Variants in KCNAB1 observed in about 807,000 individuals in gnomAD.
KCNAB1 encodes voltage-gated potassium channel subunit beta-1.
KCNAB1 carries 35 observed loss-of-function variants against 64.6 expected under a neutral mutation model. The ratio of observed to expected loss-of-function variants is 0.54; its 90% CI spans 0.41 to 0.72. The LOEUF (loss-of-function observed/expected upper bound fraction) is 0.72. KCNAB1 is among the 30% of genes least tolerant of loss of function. The pLI, the probability that KCNAB1 is intolerant of heterozygous loss-of-function variation, is 0.00. For synonymous variants in KCNAB1, 177 were observed against 183.8 expected, an observed-to-expected ratio of 0.96 and a Z score of 0.30; for missense variants, 401 against 512.9, an observed-to-expected ratio of 0.78 and a Z score of 2.11.
intron 1 of KCNAB1, among the ~76,000 whole-genome samples, chr3:156,293,897 G>T (rs546215216): frequency 4.1e-4 from 63 of 152,306 alleles, no homozygotes; most frequent in Admixed American, 7.2e-4. Flanking sequence ...CTGCTTTCCT[G>T]GGCAAGGTCC....
chr3:156,325,882 T>C (rs1722941998), intron 1 of KCNAB1, among the ~76,000 whole-genome samples: 1 of 152,176 alleles, frequency 6.6e-6, no homozygotes, highest in Non-Finnish European at 1.5e-5. Context: ...GGTTTTATAA[T>C]TGCACAAAAC....
chr3:156,356,838 T>C (rs1029169867), intron 1 of KCNAB1, among the ~76,000 whole-genome samples: 2 of 152,170 alleles, frequency 1.3e-5, no homozygotes, highest in African/African-American at 4.8e-5. Context: ...CTCTAGCAAT[T>C]ATGAAATCCT....
rs989866149 is a variant in KCNAB1, at chr3:156,538,552, T to TTTGA, written c.*1812_*1815dup. The TTTGA allele has an allele frequency of 6.6e-6, 1 of 152,332 alleles. No homozygotes were observed. The highest frequency in any genetic ancestry group is 2.4e-5 in the African/African-American group (1 of 41,588). The allele number at this position is 152,332 out of a possible 1,614,324, so 9.4% of individuals were successfully genotyped here. A position where few individuals can be genotyped will look rare whatever the true frequency, so the allele number is the denominator to read the frequency against. Reference sequence around the variant, plus strand: ...AGGTGCTGTCTAATGGGAAATGTGATTTGATTGATTTATTTGCTTAGAGTA... The same window carrying TTTGA: ...AGGTGCTGTCTAATGGGAAATGTGATTTGATTGATTGATTTATTTGCTTAGAGTA... On this transcript the variant is annotated 3_prime_UTR_variant, in exon 14 of 14. Transcript: ENST00000490337.
chr3:156,425,631 G>A (rs1715764336), intron 2 of KCNAB1, among the ~76,000 whole-genome samples: 1 of 152,138 alleles, frequency 6.6e-6, no homozygotes. Context: ...AAAAATGGTA[G>A]AATTTACGTT....
At chr3:156,405,277 A>G (rs909289643) in intron 1 of KCNAB1, among the ~76,000 whole-genome samples, 3 of 152,098 alleles carry the variant, frequency 2.0e-5, no homozygotes, top group Non-Finnish European at 4.4e-5. Context: ...CCACCCCAAA[A>G]TATGTCTTCT....
rs76655453 is a variant in KCNAB1, at chr3:156,461,576, A to G, written c.482+1705A>G. 0.012 allele frequency among the ~76,000 whole-genome samples: 1,831 copies of G among 152,296 alleles called. 65 individuals carry two copies. The East Asian group carries it at 0.12, about 10-fold the overall frequency. ...TCTTTTTGGGGTACACACTTCTTCA[A>G]TTATAACAGAAACCTTGGAGATAAT... On this transcript the variant is annotated intron_variant, in intron 5 of 13. Coordinates refer to ENST00000490337, the MANE Select transcript of KCNAB1 (RefSeq NM_172160.3).
intron 1 of KCNAB1, among the ~76,000 whole-genome samples, chr3:156,390,786 C>A (rs556924339): frequency 6.6e-6 from 1 of 152,028 alleles, no homozygotes; most frequent in African/African-American, 2.4e-5. Flanking sequence ...GGAGTTTCAC[C>A]GTGTTAGCCA....
chr3:156,414,995 A>G (rs553860439), intron 1 of KCNAB1, among the ~76,000 whole-genome samples: 54 of 152,306 alleles, frequency 3.5e-4, no homozygotes, highest in African/African-American at 1.2e-3. Flanking sequence ...TGCCTCTTTT[A>G]TCTGTCTTCA....
rs7619406 is a variant in KCNAB1, at chr3:156,297,030, G to A, written c.276-124586G>A. ...ATGTATTCATTTTTGTCTGCATGTT[G>A]TATGCCTATGTATATTTATCACATG... On this transcript the variant is annotated intron_variant, in intron 1 of 13. Transcript: ENST00000490337. Among the ~76,000 whole-genome samples the A allele has an allele frequency of 5.8e-3, 879 of 152,190 alleles. 10 individuals carry two copies. Among genetic ancestry groups the A allele is most frequent in the African/African-American group, 0.02 (835 of 41,544 alleles).
At chr3:156,421,156 C>T (rs1157817876) in intron 1 of KCNAB1, among the ~76,000 whole-genome samples, 12 of 152,018 alleles carry the variant, frequency 7.9e-5, no homozygotes, top group Admixed American at 5.9e-4. Context: ...CTCTACTTAC[C>T]GTGTGTCAGG....
intron 1 of KCNAB1, among the ~76,000 whole-genome samples, chr3:156,293,434 C>T (rs901822780): frequency 3.3e-5 from 5 of 152,194 alleles, no homozygotes; most frequent in African/African-American, 1.2e-4. Context: ...ATGTGTTTCT[C>T]ATGTGAGGTT....
intron 1 of KCNAB1, among the ~76,000 whole-genome samples, chr3:156,221,508 G>A (rs1432010197): frequency 1.3e-5 from 2 of 152,142 alleles, no homozygotes; most frequent in South Asian, 4.1e-4. Flanking sequence ...GGGCATGGTG[G>A]AGACTCACGC....
At chr3:156,518,553 C>T (rs181733671) in intron 11 of KCNAB1, among the ~76,000 whole-genome samples, 372 of 152,052 alleles carry the variant, frequency 2.4e-3, no homozygotes, top group Admixed American at 6.3e-3. Context: ...AAATTGGTAA[C>T]GTTCATCCCA....
intron 2 of KCNAB1, among the ~76,000 whole-genome samples, chr3:156,443,428 A>G (rs1349233561): frequency 6.6e-6 from 1 of 152,142 alleles, no homozygotes; most frequent in African/African-American, 2.4e-5. Context: ...CATCATCACC[A>G]GGAATCAGCA....
At chr3:156,239,547 C>G (rs1218307971) in intron 1 of KCNAB1, among the ~76,000 whole-genome samples, 1 of 152,142 alleles carries the variant, frequency 6.6e-6, no homozygotes, top group Non-Finnish European at 1.5e-5. Flanking sequence ...GCAACCTCAT[C>G]CATGTTGAAA....
intron 1 of KCNAB1, among the ~76,000 whole-genome samples, chr3:156,417,719 G>GAAAAAAAAAAAA (rs200175870): frequency 7.7e-6 from 1 of 130,262 alleles, no homozygotes; most frequent in African/African-American, 2.9e-5. Context: ...TGCCTTAAAA[G>GAAAAAAAAAAAA]AAAAAAAAAA....
chr3:156,368,437 GT>G (rs1440174517), intron 1 of KCNAB1, among the ~76,000 whole-genome samples: 2 of 152,148 alleles, frequency 1.3e-5, no homozygotes, highest in Non-Finnish European at 2.9e-5. Flanking sequence ...TTTTCTTAAT[GT>G]TTTTTAGAGA....
intron 1 of KCNAB1, among the ~76,000 whole-genome samples, chr3:156,328,467 C>T (rs1023783687): frequency 1.3e-5 from 2 of 152,114 alleles, no homozygotes; most frequent in African/African-American, 2.4e-5. Flanking sequence ...ATCTTTTGCA[C>T]GTGTTGCTAT....
chr3:156,419,500 CAAAAAAAAAGAAAAA>C (rs1559875373), intron 1 of KCNAB1, among the ~76,000 whole-genome samples: 2 of 81,414 alleles, frequency 2.5e-5, no homozygotes, highest in African/African-American at 9.0e-5. Context: ...GACTCCGTCT[CAAAAAAAAAGAAAAA>C]AAAAAAAAAA....
Sources: gnomAD v4.1 joint callset for allele counts (sites outside exome capture counted in the v4.1 genomes callset) on GRCh38, gnomAD v4.1.1 for gene constraint, MANE v1.5 for transcripts, NCBI Gene and HGNC (gene_info 2026-07-23, HGNC 2026-07-21) for gene names.